The following HSD17B13 variants were observed in gnomAD, a reference collection of about 807,000 sequenced individuals.
The protein encoded by HSD17B13 is hydroxysteroid 17-beta dehydrogenase 13.
In HSD17B13, 26 loss-of-function variants were observed where a neutral mutation model predicts 31.1. The observed-to-expected ratio is 0.84, with a 90% CI of 0.61 to 1.16. The LOEUF (loss-of-function observed/expected upper bound fraction) is 1.16. Among genes scored for constraint, HSD17B13 ranks in the 50% most tolerant of loss-of-function variants. HSD17B13 has a pLI of 0.00. For missense variants in HSD17B13, 374 were observed against 366.5 expected, an observed-to-expected ratio of 1.02 and a Z score of -0.17; for synonymous variants, 141 against 133.7, an observed-to-expected ratio of 1.05 and a Z score of -0.38.
chr4:87,322,666 C>T lies in HSD17B13; in HGVS notation c.176G>A (p.Arg59Gln), dbSNP rs1035712584. ...ATCCCACAGAACCAATATGCTCTGT[C>T]GTTTTGCAAATTCATAAGTAGTCTG... The part of the protein sequence containing the change: ...GRQTTYEFAK[R>Q]QSILVLWDIN... Residue 59 changes from arginine to glutamine, a missense_variant, in exon 1 of 7, where the codon CGA becomes CAA. By Grantham distance (43) the Arg-to-Gln change is conservative. Transcript: ENST00000328546. 3.1e-6 allele frequency: 5 copies of T among 1,613,902 alleles called. No homozygotes were observed. The highest frequency in any genetic ancestry group is 3.3e-5 in the Admixed American group (2 of 60,004).
In HSD17B13 at chr4:87,313,821, A is replaced by C; in HGVS notation, c.695+2T>G. Reference sequence around the variant, plus strand: ...CCCATTCTAACTTGATTTTGACCTTACCTTGTGCTTGGATTTTTGGTGAAC... The same window carrying C: ...CCCATTCTAACTTGATTTTGACCTTCCCTTGTGCTTGGATTTTTGGTGAAC... On this transcript the variant is annotated splice_donor_variant, in intron 5 of 6. Coordinates refer to ENST00000328546, the MANE Select transcript of HSD17B13 (RefSeq NM_178135.5). LOFTEE classifies it high-confidence loss of function. The C allele has an allele frequency of 6.2e-7, 1 of 1,610,630 alleles. No individual in the cohort carries two copies. Among genetic ancestry groups the C allele is most frequent in the Non-Finnish European group, 8.5e-7 (1 of 1,178,390 alleles).
At chr4:87,311,061 C>T (rs560465500) in intron 5 of HSD17B13, among the ~76,000 whole-genome samples, 1 of 152,290 alleles carries the variant, frequency 6.6e-6, no homozygotes, top group African/African-American at 2.4e-5. Context: ...TCATTATAAG[C>T]TAACTATAAT....
At chr4:87,322,057 G>A (rs943419795) in intron 1 of HSD17B13, among the ~76,000 whole-genome samples, 1 of 152,156 alleles carries the variant, frequency 6.6e-6, no homozygotes, top group Non-Finnish European at 1.5e-5. Context: ...GACTCACTGC[G>A]CACATATTTT....
At chr4:87,306,914 A>T (rs1341847114) in intron 6 of HSD17B13, among the ~76,000 whole-genome samples, 3 of 121,310 alleles carry the variant, frequency 2.5e-5, no homozygotes, top group African/African-American at 7.8e-5. Context: ...CTAAAAAAAA[A>T]AAAAAAAAAA....
rs890994410 is a variant in HSD17B13 at position 87,305,110 on chromosome 4, T to C, written c.*108A>G. The stretch of plus-strand genomic sequence containing the variant: ...GACTGCTGCTAGTGCCAAACCAATG[T>C]TTTTAATATTATCAGGACTGAAAAA... On this transcript the variant is annotated 3_prime_UTR_variant, in exon 7 of 7. Transcript: ENST00000328546. 2 of 579,518 alleles carry C rather than the reference T, an allele frequency of 3.5e-6. No individual in the cohort carries two copies. Among genetic ancestry groups the C allele is most frequent in the Admixed American group, 3.9e-5 (1 of 25,466 alleles). The allele number at this position is 579,518 out of a possible 1,614,324, so 35.9% of individuals were successfully genotyped here.
chr4:87,312,261 G>A (rs1734546077), intron 5 of HSD17B13, among the ~76,000 whole-genome samples: 2 of 152,272 alleles, frequency 1.3e-5, no homozygotes, highest in South Asian at 4.1e-4. Flanking sequence ...TACTTATTAA[G>A]TACTGTGAGA....
At chr4:87,322,297 C>T (rs1032319155) in intron 1 of HSD17B13, among the ~76,000 whole-genome samples, 8 of 152,168 alleles carry the variant, frequency 5.3e-5, no homozygotes, top group African/African-American at 1.2e-4. Context: ...TTTCAGATCC[C>T]GTTCTTGCCC....
intron 6 of HSD17B13, among the ~76,000 whole-genome samples, chr4:87,306,071 G>C (rs918261522): frequency 4.6e-5 from 7 of 152,062 alleles, no homozygotes; most frequent in Admixed American, 6.5e-5. Flanking sequence ...CCTCTCCAAG[G>C]AGTGCATCTT....
intron 4 of HSD17B13, among the ~76,000 whole-genome samples, chr4:87,314,561 T>A (rs1734603717): frequency 6.6e-6 from 1 of 152,096 alleles, no homozygotes. Flanking sequence ...CCTCCTTCCC[T>A]TTATGTCTTT....
At chr4:87,317,563 CTTTTT>C (rs869241617) in intron 2 of HSD17B13, among the ~76,000 whole-genome samples, 7 of 49,748 alleles carry the variant, frequency 1.4e-4, no homozygotes, top group South Asian at 8.8e-4. Flanking sequence ...TTTCTTTAAA[CTTTTT>C]TTTTTTTTTT....
intron 1 of HSD17B13, among the ~76,000 whole-genome samples, chr4:87,322,109 A>G (rs1215533443): frequency 6.6e-6 from 1 of 152,250 alleles, no homozygotes; most frequent in African/African-American, 2.4e-5. Context: ...CGTATCGTTT[A>G]TCATATGCTA....
At chr4:87,321,908 A>G (rs752677023) in intron 1 of HSD17B13, among the ~76,000 whole-genome samples, 8 of 152,172 alleles carry the variant, frequency 5.3e-5, no homozygotes, top group Non-Finnish European at 8.8e-5. Context: ...CTCTGCATAT[A>G]TTTTCATGGC....
In HSD17B13 at chr4:87,310,112, C is replaced by T. The variant is rs557411088; in HGVS notation, c.812+131G>A. ...CCCAGGAGGCGGAGGTTGCAGTGAGCCAAGATCATGCCACTGCAACCACCG... is the reference window on the plus strand; with the variant it reads ...CCCAGGAGGCGGAGGTTGCAGTGAGTCAAGATCATGCCACTGCAACCACCG... On this transcript the variant is annotated intron_variant, in intron 6 of 6. Transcript: ENST00000328546. 1.1e-4 allele frequency: 134 copies of T among 1,165,258 alleles called. 1 individual carries two copies. The African/African-American group carries it at 1.7e-3, about 15-fold the overall frequency. 72.2% of individuals were successfully genotyped at this position (1,165,258 alleles called of 1,614,324 possible). A position where few individuals can be genotyped will look rare whatever the true frequency, so the allele number is the denominator to read the frequency against.
rs1439968958 is a variant in HSD17B13 at position 87,318,395 on chromosome 4, G to A, written c.252C>T (p.Gly84=). 2 of 1,614,008 alleles carry A rather than the reference G, an allele frequency of 1.2e-6. No individual in the cohort carries two copies. The highest frequency in any genetic ancestry group is 2.2e-5 in the East Asian group (1 of 44,896). Residue 84 remains glycine, a synonymous_variant, in exon 2 of 7, where the codon GGC becomes GGT. Transcript: ENST00000328546. ...CTACCACATACGCATGCGCAGTGAC[G>A]CCTAGTTTTCGGCACTCAGCTGCAG... ...EETAAECRKL[G]VTAHAYVVDC... is the part of the protein sequence containing the mutation.
At chr4:87,317,563 C>CTTTATTTTTTTTTTTTTTTT (rs1734681075) in intron 2 of HSD17B13, among the ~76,000 whole-genome samples, 4 of 49,744 alleles carry the variant, frequency 8.0e-5, no homozygotes, top group African/African-American at 2.5e-4. Flanking sequence ...TTTCTTTAAA[C>CTTTATTTTTTTTTTTTTTTT]TTTTTTTTTT....
At chr4:87,311,366 GC>G (rs1734526979) in intron 5 of HSD17B13, among the ~76,000 whole-genome samples, 1 of 152,114 alleles carries the variant, frequency 6.6e-6, no homozygotes, top group Non-Finnish European at 1.5e-5. Context: ...CTGTGGCCTT[GC>G]CCCGAATTAT....
intron 6 of HSD17B13, among the ~76,000 whole-genome samples, chr4:87,309,221 A>T (rs189130689): frequency 9.2e-4 from 139 of 151,860 alleles, no homozygotes; most frequent in African/African-American, 3.1e-3. Context: ...TGTCTCTACT[A>T]CAAACACAAA....
At chr4:87,321,826 G>A (rs970456543) in intron 1 of HSD17B13, among the ~76,000 whole-genome samples, 14 of 152,180 alleles carry the variant, frequency 9.2e-5, no homozygotes, top group African/African-American at 3.4e-4. Context: ...TAAAACCACT[G>A]TAATTTGCAG....
At chr4:87,306,035 C>G (rs1284230296) in intron 6 of HSD17B13, among the ~76,000 whole-genome samples, 2 of 152,158 alleles carry the variant, frequency 1.3e-5, no homozygotes, top group Non-Finnish European at 2.9e-5. Context: ...CAGTTCGTCC[C>G]TCTGAAAATG....
Sources: gnomAD v4.1 joint callset for allele counts (sites outside exome capture counted in the v4.1 genomes callset) on GRCh38, gnomAD v4.1.1 for gene constraint, MANE v1.5 for transcripts, NCBI Gene and HGNC (gene_info 2026-07-23, HGNC 2026-07-21) for gene names.